Variants in TRDN observed in about 807,000 individuals in gnomAD.
TRDN encodes the protein triadin, also known as triadin in skeletal muscle.
Under a neutral mutation model 149.7 loss-of-function variants are expected in TRDN, and 161 were observed. That is an observed-to-expected ratio of 1.08 (90% CI 0.95 to 1.23). The LOEUF is 1.23. TRDN is among the 50% of genes most tolerant of loss of function. The pLI is 0.00. For missense variants in TRDN, 896 were observed against 823.5 expected, an observed-to-expected ratio of 1.09 and a Z score of -1.08; for synonymous variants, 294 against 250.5, an observed-to-expected ratio of 1.17 and a Z score of -1.64.
chr6:123,615,743 T>A (rs1357827280), intron 1 of TRDN, among the ~76,000 whole-genome samples: 1 of 152,094 alleles, frequency 6.6e-6, no homozygotes, highest in African/African-American at 2.4e-5. Context: ...TACTAGAGGC[T>A]AGAAAGTGTG....
At chr6:123,400,953 A>C (rs548540151) in intron 12 of TRDN, among the ~76,000 whole-genome samples, 13 of 152,332 alleles carry the variant, frequency 8.5e-5, no homozygotes, top group Middle Eastern at 3.4e-3. Context: ...CTAAGGGCAA[A>C]GACTGGCTTT....
At chr6:123,233,810 A>AT (rs5879667) in intron 38 of TRDN, among the ~76,000 whole-genome samples, 7,535 of 152,016 alleles carry the variant, frequency 0.05, 547 homozygotes, top group African/African-American at 0.17. Flanking sequence ...TTTTCTCTTT[A>AT]TTTTTTTATT....
At chr6:123,526,006 T>C (rs1779928557) in intron 5 of TRDN, among the ~76,000 whole-genome samples, 1 of 152,042 alleles carries the variant, frequency 6.6e-6, no homozygotes, top group Admixed American at 6.6e-5. Context: ...GAGATTATCT[T>C]GGATTATTCA....
At chr6:123,512,262 A>T in intron 7 of TRDN, 41 bp downstream of exon 7, 2 of 1,188,490 alleles carry the variant, frequency 1.7e-6, no homozygotes, top group Non-Finnish European at 2.4e-6. Context: ...CTTTCAGAGT[A>T]AAAAGAATTT....
At chr6:123,219,890 G>C (rs1387695785) in intron 40 of TRDN, among the ~76,000 whole-genome samples, 1 of 151,846 alleles carries the variant, frequency 6.6e-6, no homozygotes. Flanking sequence ...ATTGCTAAAA[G>C]TAGAAGGGCC....
chr6:123,444,972 T>A (rs1775220161), intron 10 of TRDN: 1 of 152,198 alleles, frequency 6.6e-6, no homozygotes, highest in Non-Finnish European at 1.5e-5. Flanking sequence ...GATATTGGTC[T>A]AAAATTCTCT....
chr6:123,416,111 AAAGTT>A, intron 12 of TRDN, among the ~76,000 whole-genome samples: 1 of 152,304 alleles, frequency 6.6e-6, no homozygotes, highest in Middle Eastern at 3.4e-3. Flanking sequence ...CAGTGTCACT[AAAGTT>A]AAGGGGACAG....
chr6:123,462,338 A>G (rs1237699736), intron 10 of TRDN: 1 of 152,240 alleles, frequency 6.6e-6, no homozygotes, highest in Admixed American at 6.5e-5. Context: ...CAAGAAGTAC[A>G]CAGATACTTC....
chr6:123,433,427 A>G (rs1418829410), intron 12 of TRDN, among the ~76,000 whole-genome samples: 1 of 151,864 alleles, frequency 6.6e-6, no homozygotes, highest in Non-Finnish European at 1.5e-5. Flanking sequence ...TGTAAGCTCC[A>G]TTAGGGCAGA....
rs189812079 is a variant in TRDN, at chr6:123,358,829, G to T, written c.1322-6243C>A. On this transcript the variant is annotated intron_variant, in intron 20 of 40. Transcript: ENST00000334268. ...GAAGTGAGACTTACCTGGAGGAGAAGTATGCTAGAATAGTGGTGAGGAAGT... is the reference window on the plus strand; with the variant it reads ...GAAGTGAGACTTACCTGGAGGAGAATTATGCTAGAATAGTGGTGAGGAAGT... Among the ~76,000 whole-genome samples, 6 of 152,214 alleles carry T rather than the reference G, an allele frequency of 3.9e-5. No individual in the cohort carries two copies. In the East Asian group the frequency reaches 1.2e-3, roughly 29 times the overall value.
intron 5 of TRDN, among the ~76,000 whole-genome samples, chr6:123,520,618 G>A (rs1323998183): frequency 6.6e-6 from 1 of 152,120 alleles, no homozygotes; most frequent in Non-Finnish European, 1.5e-5. Context: ...ATTACCCAAA[G>A]TTGTAAAGCT....
At chr6:123,326,036 G>A (rs1779439521) in intron 23 of TRDN, among the ~76,000 whole-genome samples, 1 of 152,120 alleles carries the variant, frequency 6.6e-6, no homozygotes, top group South Asian at 2.1e-4. Flanking sequence ...AGCAGAGAGA[G>A]TGATTACTAG....
intron 27 of TRDN, among the ~76,000 whole-genome samples, chr6:123,274,033 C>A (rs894736820): frequency 6.6e-6 from 1 of 152,054 alleles, no homozygotes; most frequent in South Asian, 2.1e-4. Flanking sequence ...CGGGGCAGAC[C>A]CCTAGCTTCA....
At chr6:123,368,368 C>T (rs1337169239) in intron 19 of TRDN, among the ~76,000 whole-genome samples, 1 of 152,138 alleles carries the variant, frequency 6.6e-6, no homozygotes, top group African/African-American at 2.4e-5. Flanking sequence ...TTATCATCTG[C>T]TCTACTACTA....
intron 20 of TRDN, among the ~76,000 whole-genome samples, chr6:123,360,368 G>A (rs1440152383): frequency 6.6e-6 from 1 of 152,070 alleles, no homozygotes; most frequent in Non-Finnish European, 1.5e-5. Context: ...CAACAATCAC[G>A]AGGCAACAGA....
intron 38 of TRDN, among the ~76,000 whole-genome samples, chr6:123,229,758 C>T (rs1775527450): frequency 6.6e-6 from 1 of 151,868 alleles, no homozygotes; most frequent in South Asian, 2.1e-4. Flanking sequence ...TTACAATTGG[C>T]TGATAAAAAT....
intron 4 of TRDN, among the ~76,000 whole-genome samples, chr6:123,538,170 T>C (rs1780643362): frequency 6.6e-6 from 1 of 152,178 alleles, no homozygotes; most frequent in Non-Finnish European, 1.5e-5. Context: ...TTTCTCTAGA[T>C]ACCTCACAAG....
intron 9 of TRDN, among the ~76,000 whole-genome samples, chr6:123,479,093 C>T (rs1165246111): frequency 2.0e-5 from 3 of 152,104 alleles, no homozygotes; most frequent in Admixed American, 6.6e-5. Context: ...AAATGTCACT[C>T]TGTTTTACTG....
Position 123,503,853 on chromosome 6 carries a change from T to G in TRDN, c.659A>C (p.Lys220Thr), listed in dbSNP as rs768013728. 6.3e-7 allele frequency: 1 copy of G among 1,590,744 alleles called. No homozygotes were observed. The highest frequency in any genetic ancestry group is 8.6e-7 in the Non-Finnish European group (1 of 1,166,978). Residue 220 changes from lysine to threonine, a missense_variant, in exon 8 of 41, where the codon AAG becomes ACG. Physicochemically the swap from Lys to Thr is moderately conservative, Grantham distance 78. Transcript: ENST00000334268. The part of the protein sequence containing the change: ...TAEKSEEKTK[K>T]EVKGGKQEKV... ...CTCCTGTTTTCCACCTTTCACTTCC[T>G]TTTTAGTCTTTTCTTCACTCTTTTC... is the stretch of plus-strand genomic sequence containing the variant.
Sources: gnomAD v4.1 joint callset for allele counts (sites outside exome capture counted in the v4.1 genomes callset) on GRCh38, gnomAD v4.1.1 for gene constraint, MANE v1.5 for transcripts, NCBI Gene and HGNC (gene_info 2026-07-23, HGNC 2026-07-21) for gene names.